Variants in CFAP299 observed in about 807,000 individuals in gnomAD.
The protein encoded by CFAP299 is cilia- and flagella-associated protein 299.
In CFAP299, 21 loss-of-function variants were observed where a neutral mutation model predicts 27.0. The observed-to-expected ratio is 0.78, with a 90% CI of 0.55 to 1.12. The LOEUF is 1.12. Among genes scored for constraint, CFAP299 ranks in the 50% most tolerant of loss-of-function variants. The probability of loss-of-function intolerance (pLI) is 0.00; values close to 1 mark genes in which losing one functional copy is unlikely to be tolerated. For missense variants in CFAP299, 310 were observed against 276.6 expected (o/e 1.12, Z -0.86); for synonymous variants, 104 against 98.1 (o/e 1.06, Z -0.36).
intron 3 of CFAP299, among the ~76,000 whole-genome samples, chr4:80,846,130 T>C (rs1731171037): frequency 6.6e-6 from 1 of 152,160 alleles, no homozygotes; most frequent in Admixed American, 6.6e-5. Flanking sequence ...GAGACTTTAT[T>C]AGAGGCACAC....
intron 3 of CFAP299, among the ~76,000 whole-genome samples, chr4:80,644,715 C>A (rs1739903010): frequency 6.6e-6 from 1 of 152,090 alleles, no homozygotes; most frequent in Non-Finnish European, 1.5e-5. Flanking sequence ...TAGATTTTTG[C>A]ATACTCTTTA....
chr4:80,710,575 A>G (rs1722099664), intron 3 of CFAP299, among the ~76,000 whole-genome samples: 1 of 40,978 alleles, frequency 2.4e-5, no homozygotes, highest in Admixed American at 3.6e-4. Flanking sequence ...ACGAGAAATA[A>G]GACTTTTTTT....
intron 2 of CFAP299, among the ~76,000 whole-genome samples, chr4:80,529,098 A>T (rs1733331802): frequency 6.6e-6 from 1 of 152,178 alleles, no homozygotes; most frequent in African/African-American, 2.4e-5. Context: ...TCAATGAAGC[A>T]GTGCAATGAC....
chr4:80,638,152 G>A (rs1356308219), intron 3 of CFAP299, among the ~76,000 whole-genome samples: 3 of 152,238 alleles, frequency 2.0e-5, no homozygotes, highest in South Asian at 4.1e-4. Context: ...CACACAGAGA[G>A]TAGGAACATG....
chr4:80,935,276 C>G (rs987213822), intron 4 of CFAP299, among the ~76,000 whole-genome samples: 1 of 151,910 alleles, frequency 6.6e-6, no homozygotes, highest in African/African-American at 2.4e-5. Flanking sequence ...GCAAAAAGAA[C>G]AAAGCTGGAG....
At chr4:80,425,642 C>T (rs1197959642) in intron 2 of CFAP299, among the ~76,000 whole-genome samples, 1 of 152,234 alleles carries the variant, frequency 6.6e-6, no homozygotes, top group African/African-American at 2.4e-5. Context: ...GAAAGGGAAA[C>T]TTGCCTTTAG....
chr4:80,363,838 C>T (rs1315171221), intron 2 of CFAP299, among the ~76,000 whole-genome samples: 1 of 152,066 alleles, frequency 6.6e-6, no homozygotes, highest in East Asian at 1.9e-4. Context: ...CCTGTAATCC[C>T]AGTACTTTGG....
intron 3 of CFAP299, among the ~76,000 whole-genome samples, chr4:80,852,832 T>C (rs1296114570): frequency 6.6e-6 from 1 of 152,180 alleles, no homozygotes; most frequent in East Asian, 1.9e-4. Context: ...CTAGTTATTC[T>C]ATTCTATTCC....
intron 4 of CFAP299, among the ~76,000 whole-genome samples, chr4:80,933,288 A>G (rs1736721669): frequency 6.6e-6 from 1 of 151,918 alleles, no homozygotes; most frequent in South Asian, 2.1e-4. Context: ...CCTTTGACCA[A>G]CATCTCCTCA....
At chr4:80,930,051 T>C (rs1254335985) in intron 4 of CFAP299, among the ~76,000 whole-genome samples, 1 of 152,156 alleles carries the variant, frequency 6.6e-6, no homozygotes. Context: ...AGAACAAAGC[T>C]TGATTTGTTG....
the CFAP299 span, among the ~76,000 whole-genome samples, chr4:80,322,569 G>A: frequency 6.6e-6 from 1 of 152,020 alleles, no homozygotes; most frequent in East Asian, 1.9e-4. Context: ...GATATAAACA[G>A]ATTACAAGAA....
At chr4:80,533,056 AC>A (rs1361954292) in intron 2 of CFAP299, among the ~76,000 whole-genome samples, 2 of 152,184 alleles carry the variant, frequency 1.3e-5, no homozygotes, top group Admixed American at 1.3e-4. Context: ...CCTTATGTAT[AC>A]TAAGCTTTAT....
chr4:80,895,716 A>T (rs1242984615), intron 4 of CFAP299, among the ~76,000 whole-genome samples: 1 of 152,086 alleles, frequency 6.6e-6, no homozygotes, highest in East Asian at 1.9e-4. Flanking sequence ...GGAGCAGCCC[A>T]TTCATCTAAA....
chr4:80,591,152 C>A (rs1315832204), intron 3 of CFAP299, among the ~76,000 whole-genome samples: 6 of 112,638 alleles, frequency 5.3e-5, no homozygotes, highest in Admixed American at 1.4e-4. Flanking sequence ...GAGACGGAGT[C>A]TCGCTCTGTC....
intron 4 of CFAP299, among the ~76,000 whole-genome samples, chr4:80,874,857 C>T (rs1733289305): frequency 6.6e-6 from 1 of 151,976 alleles, no homozygotes; most frequent in Admixed American, 6.6e-5. Flanking sequence ...GTATGGTTAA[C>T]CTTGAATTAA....
At chr4:80,449,820 TTA>T (rs927567665) in intron 2 of CFAP299, among the ~76,000 whole-genome samples, 4 of 151,828 alleles carry the variant, frequency 2.6e-5, no homozygotes, top group African/African-American at 7.2e-5. Context: ...CTTAAGTACT[TTA>T]TGTTTAATTT....
At chr4:80,585,807 A>G (rs1736406218) in intron 3 of CFAP299, among the ~76,000 whole-genome samples, 1 of 152,192 alleles carries the variant, frequency 6.6e-6, no homozygotes. Flanking sequence ...GGCAATACAT[A>G]ATAGATGCAT....
At chr4:80,517,572 G>A (rs369226505) in intron 2 of CFAP299, among the ~76,000 whole-genome samples, 1 of 152,166 alleles carries the variant, frequency 6.6e-6, no homozygotes, top group Non-Finnish European at 1.5e-5. Context: ...CTTGAGAAAC[G>A]ATGTAGCCAG....
chr4:80,440,780 C>G (rs1387345533), intron 2 of CFAP299, among the ~76,000 whole-genome samples: 1 of 152,148 alleles, frequency 6.6e-6, no homozygotes, highest in African/African-American at 2.4e-5. Context: ...GGAGCATATT[C>G]TAACCCAGTG....
Sources: allele counts gnomAD v4.1 joint callset (sites outside exome capture counted in the v4.1 genomes callset), GRCh38; gene constraint gnomAD v4.1.1; transcripts MANE v1.5; gene names NCBI Gene and HGNC (gene_info 2026-07-23, HGNC 2026-07-21).